BFSP2: variants seen among roughly 807,000 people sequenced by gnomAD.
BFSP2 encodes phakinin.
A neutral mutation model predicts 44.9 loss-of-function variants in BFSP2; 38 were observed. The ratio of observed to expected loss-of-function variants is 0.85; its 90% CI spans 0.65 to 1.11. The LOEUF (loss-of-function observed/expected upper bound fraction) is 1.11, where lower values mean the gene tolerates loss of function less well. BFSP2 is among the 50% of genes least tolerant of loss of function. BFSP2 has a pLI of 0.00. For synonymous variants in BFSP2, 197 were observed against 209.9 expected (o/e 0.94, Z 0.53); for missense variants, 525 against 533.0 (o/e 0.99, Z 0.15).
chr3:133,461,414 G>A (rs1035138117), intron 4 of BFSP2, among the ~76,000 whole-genome samples: 1 of 152,234 alleles, frequency 6.6e-6, no homozygotes, highest in African/African-American at 2.4e-5. Flanking sequence ...GTGCAAACAC[G>A]GGCGGCTCAG....
At chr3:133,409,744 T>C (rs372042696) in intron 1 of BFSP2, among the ~76,000 whole-genome samples, 3 of 152,164 alleles carry the variant, frequency 2.0e-5, no homozygotes, top group Admixed American at 6.5e-5. Context: ...ATAAGAATAT[T>C]ATCAGGGCTT....
Position 133,432,926 on chromosome 3 carries a change from C to T in BFSP2, c.490-14391C>T, listed in dbSNP as rs562260082. Among the ~76,000 whole-genome samples, 128 of 152,330 alleles carry T rather than the reference C, an allele frequency of 8.4e-4. 1 individual carries two copies. The highest frequency in any genetic ancestry group is 2.9e-3 in the African/African-American group (121 of 41,576). On this transcript the variant is annotated intron_variant, in intron 1 of 6. Transcript: ENST00000302334. ...ACTGTTTTAGCCTAGCCCTCATGTCCGCGTGCAGCGGCTGCCGCTGCTTTA... is the reference window on the plus strand; with the variant it reads ...ACTGTTTTAGCCTAGCCCTCATGTCTGCGTGCAGCGGCTGCCGCTGCTTTA...
At chr3:133,453,531 T>C (rs988179666) in intron 4 of BFSP2, among the ~76,000 whole-genome samples, 3 of 152,188 alleles carry the variant, frequency 2.0e-5, no homozygotes, top group African/African-American at 7.2e-5. Context: ...AAAGAATGCC[T>C]AATCAAACCA....
chr3:133,420,269 T>C (rs1489919497), intron 1 of BFSP2, among the ~76,000 whole-genome samples: 2 of 152,178 alleles, frequency 1.3e-5, no homozygotes, highest in Non-Finnish European at 2.9e-5. Flanking sequence ...TAAGAAAGGC[T>C]TGTTCTGCAT....
At chr3:133,410,127 A>G (rs1323369499) in intron 1 of BFSP2, 1 of 168,566 alleles carries the variant, frequency 5.9e-6, no homozygotes, top group Non-Finnish European at 1.3e-5. Flanking sequence ...AGGCTTGGAA[A>G]CTATGGTGAA....
chr3:133,412,147 G>A (rs1363099565), intron 1 of BFSP2: 1 of 152,174 alleles, frequency 6.6e-6, no homozygotes, highest in Admixed American at 6.5e-5. Context: ...ATAATCTCAG[G>A]CAGAGTGGCA....
rs373269490 is a variant in BFSP2, at chr3:133,457,194, C to T, written c.891+6730C>T. Among the ~76,000 whole-genome samples the T allele has an allele frequency of 5.3e-5, 8 of 152,336 alleles. No homozygotes were observed. The East Asian group carries it at 1.5e-3, about 29-fold the overall frequency. Reference sequence around the variant, plus strand: ...CTAGAGGCTCCTGTGTGCCAATGAGCTGGCTGGACTCCCTGAGGGCTCTTC... The same window carrying T: ...CTAGAGGCTCCTGTGTGCCAATGAGTTGGCTGGACTCCCTGAGGGCTCTTC... On this transcript the variant is annotated intron_variant, in intron 4 of 6. Transcript: ENST00000302334.
intron 1 of BFSP2, among the ~76,000 whole-genome samples, chr3:133,424,914 G>T (rs560377995): frequency 6.6e-6 from 1 of 152,220 alleles, no homozygotes; most frequent in African/African-American, 2.4e-5. Flanking sequence ...GATTACAGGC[G>T]TGAGCCACCA....
At chr3:133,414,051 A>C (rs1182412362) in intron 1 of BFSP2, among the ~76,000 whole-genome samples, 35 of 85,792 alleles carry the variant, frequency 4.1e-4, no homozygotes, top group Admixed American at 6.3e-4. Flanking sequence ...TCCCCTACTC[A>C]CCCCTCTACT....
At chr3:133,430,783 C>T (rs1010257936) in intron 1 of BFSP2, among the ~76,000 whole-genome samples, 8 of 152,074 alleles carry the variant, frequency 5.3e-5, no homozygotes, top group Non-Finnish European at 1.0e-4. Flanking sequence ...TCTTCCTTTT[C>T]TACAGACCCA....
At chr3:133,439,024 ACT>A (rs1280010306) in intron 1 of BFSP2, among the ~76,000 whole-genome samples, 3 of 152,144 alleles carry the variant, frequency 2.0e-5, no homozygotes, top group Non-Finnish European at 4.4e-5. Context: ...AGTTACTTAA[ACT>A]CTCTGAGACT....
At chr3:133,435,051 A>T (rs1226929076) in intron 1 of BFSP2, among the ~76,000 whole-genome samples, 2 of 152,238 alleles carry the variant, frequency 1.3e-5, no homozygotes, top group Non-Finnish European at 2.9e-5. Context: ...TAACTGAAGA[A>T]AAATGAGTGC....
intron 1 of BFSP2, among the ~76,000 whole-genome samples, chr3:133,425,959 G>GTGGA (rs2073647951): frequency 5.2e-4 from 1 of 1,918 alleles, no homozygotes; most frequent in African/African-American, 2.4e-3. Context: ...GGGAGGGGGA[G>GTGGA]GGGGAGGGGA....
At chr3:133,457,190 T>C (rs951556828) in intron 4 of BFSP2, among the ~76,000 whole-genome samples, 15 of 152,202 alleles carry the variant, frequency 9.9e-5, no homozygotes, top group African/African-American at 3.1e-4. Context: ...TGTGTGCCAA[T>C]GAGCTGGCTG....
At chr3:133,411,881 A>G (rs901228431) in intron 1 of BFSP2, among the ~76,000 whole-genome samples, 5 of 152,228 alleles carry the variant, frequency 3.3e-5, no homozygotes, top group African/African-American at 4.8e-5. Context: ...ATACAGTAAA[A>G]GAGACTAAAT....
intron 1 of BFSP2, among the ~76,000 whole-genome samples, chr3:133,422,377 TA>T (rs2073601132): frequency 6.6e-6 from 1 of 152,148 alleles, no homozygotes; most frequent in Non-Finnish European, 1.5e-5. Flanking sequence ...AGAATTCTGG[TA>T]GGTAGATGAG....
chr3:133,411,195 A>C (rs1249807190), intron 1 of BFSP2, among the ~76,000 whole-genome samples: 5 of 151,438 alleles, frequency 3.3e-5, no homozygotes, highest in African/African-American at 9.7e-5. Flanking sequence ...AAAAAAAAAA[A>C]AAAACTAATT....
At chr3:133,467,066 C>T in intron 5 of BFSP2, 107 bp downstream of exon 5, 2 of 1,484,314 alleles carry the variant, frequency 1.3e-6, no homozygotes, top group Non-Finnish European at 1.9e-6. Context: ...CATCTCACAG[C>T]ATATGAGTTT....
At chr3:133,459,236 C>T (rs2074040559) in intron 4 of BFSP2, among the ~76,000 whole-genome samples, 1 of 151,970 alleles carries the variant, frequency 6.6e-6, no homozygotes, top group South Asian at 2.1e-4. Context: ...CCTAGCTACT[C>T]AGGAGGCTGA....
Sources: allele counts gnomAD v4.1 joint callset (sites outside exome capture counted in the v4.1 genomes callset), GRCh38; gene constraint gnomAD v4.1.1; transcripts MANE v1.5; gene names NCBI Gene and HGNC (gene_info 2026-07-23, HGNC 2026-07-21).